Variants in SLC37A3 observed in about 807,000 individuals in gnomAD.
The protein encoded by SLC37A3 is sugar phosphate exchanger 3.
A neutral mutation model predicts 67.1 loss-of-function variants in SLC37A3; 51 were observed. The observed-to-expected ratio is 0.76, with a 90% CI of 0.61 to 0.96. The LOEUF (loss-of-function observed/expected upper bound fraction) is 0.96. Ranked by LOEUF, SLC37A3 falls within the 40% of genes least tolerant of loss-of-function variation. The probability of loss-of-function intolerance (pLI) is 0.00; values close to 1 mark genes in which losing one functional copy is unlikely to be tolerated. For missense variants in SLC37A3, 508 were observed against 603.0 expected (o/e 0.84, Z 1.65); for synonymous variants, 214 against 231.4 (o/e 0.92, Z 0.68).
rs1363812760 is a variant in SLC37A3, at chr7:140,334,408, G to C, written c.*1004C>G. ...ACATAACCCCATCATAAGTCAAAGA[G>C]CATCTGTACTTGACACTTACTAGAA... On this transcript the variant is annotated 3_prime_UTR_variant, in exon 15 of 15. Coordinates refer to ENST00000326232, the MANE Select transcript of SLC37A3 (RefSeq NM_207113.3). 6.6e-6 allele frequency: 1 copy of C among 152,514 alleles called. No individual in the cohort carries two copies. Among genetic ancestry groups the C allele is most frequent in the Non-Finnish European group, 1.5e-5 (1 of 68,048 alleles). 9.4% of individuals were successfully genotyped at this position (152,514 alleles called of 1,614,324 possible). A position where few individuals can be genotyped will look rare whatever the true frequency, so the allele number is the denominator to read the frequency against.
At chr7:140,359,565 G>A (rs112170665) in intron 5 of SLC37A3, among the ~76,000 whole-genome samples, 116 of 152,222 alleles carry the variant, frequency 7.6e-4, no homozygotes, top group African/African-American at 2.6e-3. Context: ...GTTAATCAAC[G>A]AAAGCGAAAC....
intron 1 of SLC37A3, among the ~76,000 whole-genome samples, chr7:140,388,860 A>G (rs1585376695): frequency 6.7e-6 from 1 of 148,506 alleles, no homozygotes; most frequent in African/African-American, 2.4e-5. Flanking sequence ...TTCCAAAGCA[A>G]GTTCACAATC....
At chr7:140,396,780 G>A (rs1390772025) in intron 1 of SLC37A3, among the ~76,000 whole-genome samples, 3 of 151,690 alleles carry the variant, frequency 2.0e-5, no homozygotes, top group Admixed American at 1.3e-4. Flanking sequence ...GCAGAGACTC[G>A]AAATCAAACA....
chr7:140,352,627 G>T (rs1796861443), intron 7 of SLC37A3, among the ~76,000 whole-genome samples: 1 of 152,192 alleles, frequency 6.6e-6, no homozygotes, highest in Non-Finnish European at 1.5e-5. Context: ...TGAAGAGGTT[G>T]AAGCAGTAAG....
intron 4 of SLC37A3, among the ~76,000 whole-genome samples, chr7:140,367,745 C>A (rs2129634721): frequency 6.6e-6 from 1 of 152,106 alleles, no homozygotes; most frequent in South Asian, 2.1e-4. Flanking sequence ...CGCCAGCTGC[C>A]TATCCTGACG....
chr7:140,382,357 G>T, intron 2 of SLC37A3, 81 bp downstream of exon 2: 1 of 1,122,094 alleles, frequency 8.9e-7, no homozygotes, highest in Non-Finnish European at 1.3e-6. Flanking sequence ...GCCCATCAGT[G>T]CATTTGACAC....
At chr7:140,362,555 T>C (rs1253562688) in intron 5 of SLC37A3, among the ~76,000 whole-genome samples, 3 of 85,096 alleles carry the variant, frequency 3.5e-5, no homozygotes, top group Non-Finnish European at 7.0e-5. Context: ...AGGTGGGGGG[T>C]CAGCCCCCCG....
chr7:140,361,372 C>T (rs910895473), intron 5 of SLC37A3, among the ~76,000 whole-genome samples: 21 of 151,994 alleles, frequency 1.4e-4, no homozygotes, highest in African/African-American at 4.4e-4. Context: ...ATCCCAGCTA[C>T]TCAGGAGGCT....
chr7:140,356,195 CA>C (rs60174653), intron 6 of SLC37A3, among the ~76,000 whole-genome samples: 10 of 135,070 alleles, frequency 7.4e-5, no homozygotes, highest in South Asian at 2.3e-4. Context: ...CTCCACCTCC[CA>C]AAAAAAAAAA....
At chr7:140,397,761 T>C (rs569366371) in intron 1 of SLC37A3, among the ~76,000 whole-genome samples, 9 of 152,140 alleles carry the variant, frequency 5.9e-5, no homozygotes, top group African/African-American at 2.2e-4. Context: ...ACTATAAACT[T>C]TTCAGTAAGA....
intron 2 of SLC37A3, among the ~76,000 whole-genome samples, chr7:140,381,213 TAAA>T (rs138883793): frequency 2.9e-5 from 4 of 136,026 alleles, no homozygotes; most frequent in Admixed American, 7.2e-5. Context: ...TTCTTCTCTT[TAAA>T]AAAAAAAAAA....
intron 4 of SLC37A3, among the ~76,000 whole-genome samples, chr7:140,368,737 A>G (rs1423073339): frequency 1.3e-5 from 2 of 152,124 alleles, no homozygotes; most frequent in Non-Finnish European, 2.9e-5. Context: ...GCGAGTCATC[A>G]AAGCTTTCTA....
At chr7:140,387,412 G>A (rs927842769) in intron 1 of SLC37A3, among the ~76,000 whole-genome samples, 47 of 151,208 alleles carry the variant, frequency 3.1e-4, no homozygotes, top group African/African-American at 9.7e-4. Flanking sequence ...TCAGGAGTTC[G>A]AGACCAGCCT....
chr7:140,364,953 C>A (rs796956171), intron 4 of SLC37A3, among the ~76,000 whole-genome samples: 4 of 152,366 alleles, frequency 2.6e-5, no homozygotes, highest in African/African-American at 9.6e-5. Flanking sequence ...CATCTGCACT[C>A]TGGGTTAACG....
chr7:140,343,028 C>T (rs756808035), intron 13 of SLC37A3, among the ~76,000 whole-genome samples: 12 of 151,956 alleles, frequency 7.9e-5, no homozygotes, highest in East Asian at 7.7e-4. Flanking sequence ...GAGAGGGAGA[C>T]GGGAGACAGC....
intron 1 of SLC37A3, among the ~76,000 whole-genome samples, chr7:140,392,766 T>G (rs891055575): frequency 6.6e-6 from 1 of 152,090 alleles, no homozygotes; most frequent in Non-Finnish European, 1.5e-5. Context: ...ATTTCATTAC[T>G]TTTCAACTGG....
chr7:140,362,270 T>C (rs1797347177), intron 5 of SLC37A3, among the ~76,000 whole-genome samples: 6 of 139,314 alleles, frequency 4.3e-5, no homozygotes, highest in African/African-American at 1.6e-4. Context: ...GGAGCGTCTC[T>C]GCCCGGCCGC....
intron 4 of SLC37A3, among the ~76,000 whole-genome samples, chr7:140,364,761 ACT>A (rs1318521532): frequency 6.6e-6 from 1 of 152,034 alleles, no homozygotes; most frequent in Non-Finnish European, 1.5e-5. Context: ...CAGCGGGCAC[ACT>A]CTACCACAAA....
At chr7:140,378,923 T>C (rs1250819415) in intron 3 of SLC37A3, among the ~76,000 whole-genome samples, 3 of 151,618 alleles carry the variant, frequency 2.0e-5, no homozygotes, top group Admixed American at 2.0e-4. Context: ...GGTGCATGCC[T>C]GTAATCCCAG....
Sources: gnomAD v4.1 joint callset for allele counts (sites outside exome capture counted in the v4.1 genomes callset) on GRCh38, gnomAD v4.1.1 for gene constraint, MANE v1.5 for transcripts, NCBI Gene and HGNC (gene_info 2026-07-23, HGNC 2026-07-21) for gene names.